CDH8: variants seen among roughly 807,000 people sequenced by gnomAD.
CDH8 encodes cadherin 8, also known as cadherin-8.
A neutral mutation model predicts 68.1 loss-of-function variants in CDH8; 17 were observed. The observed-to-expected ratio is 0.25, with a 90% CI of 0.17 to 0.37. CDH8 has a LOEUF of 0.37. Ranked by LOEUF, CDH8 falls within the 10% of genes least tolerant of loss-of-function variation. The pLI, the probability that CDH8 is intolerant of heterozygous loss-of-function variation, is 1.00. For missense variants in CDH8, 763 were observed against 999.3 expected (o/e 0.76, Z 3.19); for synonymous variants, 372 against 365.1 (o/e 1.02, Z -0.21).
At chr16:61,728,252 A>T (rs1426466426) in intron 8 of CDH8, among the ~76,000 whole-genome samples, 2 of 147,006 alleles carry the variant, frequency 1.4e-5, no homozygotes, top group Admixed American at 6.8e-5. Flanking sequence ...TAAAATACTC[A>T]TTTTTTTTTT....
chr16:61,900,951 T>C (rs1963958672), intron 3 of CDH8, among the ~76,000 whole-genome samples: 1 of 152,188 alleles, frequency 6.6e-6, no homozygotes, highest in Admixed American at 6.5e-5. Flanking sequence ...TGAAGTATTG[T>C]CATGTAAGGA....
chr16:61,738,368 G>C lies in CDH8; in HGVS notation c.1415-11153C>G, dbSNP rs1192779126. Reference sequence around the variant, plus strand: ...TAGTGGAGTTCTGTATAACCACTTGGCAAGTTCTTCACTCCACCTTTTCCT... The same window carrying C: ...TAGTGGAGTTCTGTATAACCACTTGCCAAGTTCTTCACTCCACCTTTTCCT... On this transcript the variant is annotated intron_variant, in intron 8 of 11. Coordinates refer to ENST00000577390, the MANE Select transcript of CDH8 (RefSeq NM_001796.5). 2.6e-5 allele frequency among the ~76,000 whole-genome samples: 4 copies of C among 152,160 alleles called. No individual in the cohort carries two copies. In the East Asian group the frequency reaches 5.8e-4, roughly 22 times the overall value.
chr16:61,750,331 T>A (rs1015250414), intron 8 of CDH8, among the ~76,000 whole-genome samples: 6 of 151,994 alleles, frequency 3.9e-5, no homozygotes, highest in African/African-American at 1.4e-4. Context: ...GGTAAGACAG[T>A]GGGAGAGTGA....
At chr16:61,782,779 C>A (rs932981701) in intron 8 of CDH8, among the ~76,000 whole-genome samples, 29 of 151,998 alleles carry the variant, frequency 1.9e-4, no homozygotes, top group Non-Finnish European at 3.7e-4. Flanking sequence ...GGGTCCCTGA[C>A]CCCTGACCCC....
At chr16:61,879,939 T>C (rs1037666725) in intron 3 of CDH8, among the ~76,000 whole-genome samples, 8 of 152,210 alleles carry the variant, frequency 5.3e-5, no homozygotes, top group African/African-American at 1.2e-4. Flanking sequence ...GGTTTGTTTT[T>C]TTTTGAGACA....
Position 61,732,220 on chromosome 16 carries a change from C to T in CDH8, c.1415-5005G>A, listed in dbSNP as rs1477210366. ...GAACAAATAATTCCTGTAAACTTCC[C>T]AAATTTATTGAGAAACACTAGCCTG... On this transcript the variant is annotated intron_variant, in intron 8 of 11. Transcript: ENST00000577390. Among the ~76,000 whole-genome samples the T allele has an allele frequency of 2.6e-5, 4 of 151,832 alleles. No homozygotes were observed. In the South Asian group the frequency reaches 8.3e-4, roughly 31 times the overall value.
chr16:61,748,845 T>C (rs1027389600), intron 8 of CDH8, among the ~76,000 whole-genome samples: 1 of 152,076 alleles, frequency 6.6e-6, no homozygotes, highest in African/African-American at 2.4e-5. Flanking sequence ...GGAAACTTTA[T>C]CTACTCTCAG....
chr16:61,835,192 A>G (rs914237916), intron 4 of CDH8, among the ~76,000 whole-genome samples: 1 of 151,940 alleles, frequency 6.6e-6, no homozygotes, highest in Non-Finnish European at 1.5e-5. Flanking sequence ...TTGTTGCTAT[A>G]GAATAGCGGG....
intron 4 of CDH8, among the ~76,000 whole-genome samples, chr16:61,827,621 A>G (rs1433104006): frequency 6.6e-6 from 1 of 151,910 alleles, no homozygotes; most frequent in African/African-American, 2.4e-5. Context: ...TCTACAAGTT[A>G]TATCAGAATA....
At chr16:61,941,754 T>C (rs1161713324) in intron 2 of CDH8, among the ~76,000 whole-genome samples, 3 of 152,190 alleles carry the variant, frequency 2.0e-5, no homozygotes, top group African/African-American at 7.2e-5. Flanking sequence ...CTATTTTGTT[T>C]TGTTTTGTTT....
rs908881791 is a variant in CDH8, at chr16:61,729,125, C to T, written c.1415-1910G>A. On this transcript the variant is annotated intron_variant, in intron 8 of 11. Transcript: ENST00000577390. ...ATCTATGAAGTAGCTAATGGGATCCCCATATGTAAGATGTAAACCTGACAC... is the reference window on the plus strand; with the variant it reads ...ATCTATGAAGTAGCTAATGGGATCCTCATATGTAAGATGTAAACCTGACAC... Among the ~76,000 whole-genome samples the T allele has an allele frequency of 4.0e-5, 6 of 150,980 alleles. No homozygotes were observed. The East Asian group carries it at 9.8e-4, about 25-fold the overall frequency.
intron 2 of CDH8, among the ~76,000 whole-genome samples, chr16:62,004,959 A>T (rs767716393): frequency 3.3e-5 from 5 of 152,190 alleles, no homozygotes; most frequent in African/African-American, 9.6e-5. Flanking sequence ...GAAGGAGAGG[A>T]TTTTGTATTT....
At chr16:61,695,742 C>T (rs1203627131) in intron 10 of CDH8, among the ~76,000 whole-genome samples, 1 of 152,170 alleles carries the variant, frequency 6.6e-6, no homozygotes, top group Non-Finnish European at 1.5e-5. Flanking sequence ...GAAAACTAAA[C>T]TCACAGTCTA....
intron 7 of CDH8, among the ~76,000 whole-genome samples, chr16:61,799,507 T>C (rs1416847387): frequency 2.0e-5 from 3 of 152,150 alleles, no homozygotes; most frequent in African/African-American, 7.2e-5. Flanking sequence ...TGTCTCTCAA[T>C]GTTTATAGTT....
chr16:61,675,649 TATC>T (rs1298141824), intron 10 of CDH8, among the ~76,000 whole-genome samples: 57 of 149,880 alleles, frequency 3.8e-4, no homozygotes, highest in Non-Finnish European at 1.5e-4. Flanking sequence ...AAAATAGTGT[TATC>T]ATTTATGAAA....
intron 10 of CDH8, among the ~76,000 whole-genome samples, chr16:61,682,584 G>T (rs958507727): frequency 6.6e-6 from 1 of 151,286 alleles, no homozygotes; most frequent in African/African-American, 2.4e-5. Flanking sequence ...AAATTCTCCT[G>T]TTCACTACAG....
chr16:61,655,691 T>C lies in CDH8; in HGVS notation c.1685A>G (p.Asn562Ser). ...DNSLSILAKH[N>S]GFNRQKQEVY... ...TTCTTGCTTCTGGCGGTTGAATCCA[T>C]TATGCTTTGCCAAAATACTGAGGGA... The change falls in exon 11 of 12, where the codon AAT becomes AGT. Residue 562 changes from asparagine to serine, a missense_variant. Around this residue, in one of 2 missense-constraint regions of CDH8, gnomAD observed 397 missense variants for 436.2 expected, o/e 0.91. Coordinates refer to ENST00000577390, the MANE Select transcript of CDH8 (RefSeq NM_001796.5). 6.2e-7 allele frequency: 1 copy of C among 1,613,984 alleles called. No individual in the cohort carries two copies. Among genetic ancestry groups the C allele is most frequent in the South Asian group, 1.1e-5 (1 of 91,064 alleles).
intron 2 of CDH8, among the ~76,000 whole-genome samples, chr16:61,978,611 A>T (rs1965481085): frequency 6.6e-6 from 1 of 152,108 alleles, no homozygotes; most frequent in African/African-American, 2.4e-5. Flanking sequence ...TCAGGTTCTA[A>T]ATGTGGCAGT....
At position 61,961,847 on chromosome 16, in the gene CDH8, C is replaced by A. The variant is rs185834004; in HGVS notation, c.252+59305G>T. Among the ~76,000 whole-genome samples the A allele has an allele frequency of 3.5e-3, 538 of 152,250 alleles. 2 individuals are homozygous for A. The highest frequency in any genetic ancestry group is 6.8e-3 in the Middle Eastern group (2 of 294). On this transcript the variant is annotated intron_variant, in intron 2 of 11. Coordinates refer to ENST00000577390, the MANE Select transcript of CDH8 (RefSeq NM_001796.5). Reference sequence around the variant, plus strand: ...GAGAGCAATACAAGTACAGTTGACCCTTGAACAATACAAGGATTAGGGGTC... The same window carrying A: ...GAGAGCAATACAAGTACAGTTGACCATTGAACAATACAAGGATTAGGGGTC...
Sources: allele counts gnomAD v4.1 joint callset (sites outside exome capture counted in the v4.1 genomes callset), GRCh38; gene constraint gnomAD v4.1.1; regional missense constraint gnomAD v4.1.1; transcripts MANE v1.5; gene names NCBI Gene and HGNC (gene_info 2026-07-23, HGNC 2026-07-21).